DPY19L2: variants seen among roughly 807,000 people sequenced by gnomAD.
The protein encoded by DPY19L2 is dpy-19 like 2.
In DPY19L2, 34 loss-of-function variants were observed where a neutral mutation model predicts 97.9. That is an observed-to-expected ratio of 0.35 (90% CI 0.26 to 0.46). The LOEUF (loss-of-function observed/expected upper bound fraction) is 0.46. DPY19L2 is among the 20% of genes least tolerant of loss of function. DPY19L2 has a pLI of 1.00. For synonymous variants in DPY19L2, 230 were observed against 307.9 expected, an observed-to-expected ratio of 0.75 and a Z score of 2.65; for missense variants, 623 against 911.4, an observed-to-expected ratio of 0.68 and a Z score of 4.07.
intron 6 of DPY19L2, among the ~76,000 whole-genome samples, chr12:63,644,006 AAGT>A (rs1893054713): frequency 1.3e-5 from 2 of 152,196 alleles, no homozygotes; most frequent in African/African-American, 4.8e-5. Flanking sequence ...TAGCAGATGT[AAGT>A]GCCTGCCACA....
At chr12:63,576,471 G>A (rs1320054300) in intron 19 of DPY19L2, among the ~76,000 whole-genome samples, 1 of 151,672 alleles carries the variant, frequency 6.6e-6, no homozygotes, top group Non-Finnish European at 1.5e-5. Context: ...AAGAAAGAAA[G>A]GGCATCCAAA....
In DPY19L2 at chr12:63,609,387, A is replaced by T. The variant is rs533971917; in HGVS notation, c.1219-712T>A. Reference sequence around the variant, plus strand: ...CCTCAAATTCACAGACTGAATCTTTAATCCCCAGTGTGATAGTGTTTGGAG... The same window carrying T: ...CCTCAAATTCACAGACTGAATCTTTTATCCCCAGTGTGATAGTGTTTGGAG... On this transcript the variant is annotated intron_variant, in intron 11 of 21. Transcript: ENST00000324472. 2.6e-5 allele frequency among the ~76,000 whole-genome samples: 4 copies of T among 152,198 alleles called. No individual in the cohort carries two copies. In the South Asian group the frequency reaches 8.3e-4, roughly 32 times the overall value.
intron 12 of DPY19L2, among the ~76,000 whole-genome samples, chr12:63,603,371 T>G (rs1423407057): frequency 6.6e-6 from 1 of 152,216 alleles, no homozygotes; most frequent in Non-Finnish European, 1.5e-5. Context: ...TCCAGAACTT[T>G]TTAAATTTTA....
chr12:63,640,961 C>A (rs531577034), intron 6 of DPY19L2, among the ~76,000 whole-genome samples: 1 of 152,158 alleles, frequency 6.6e-6, no homozygotes, highest in East Asian at 1.9e-4. Flanking sequence ...GGCGCAATGT[C>A]GGCTCACTGC....
At chr12:63,616,057 G>C (rs1223890048) in intron 11 of DPY19L2, among the ~76,000 whole-genome samples, 2 of 152,118 alleles carry the variant, frequency 1.3e-5, no homozygotes, top group East Asian at 3.8e-4. Context: ...AAAGTATATA[G>C]GAAGATGTAC....
In DPY19L2 at chr12:63,570,962, A is replaced by G. The variant is rs1048123238; in HGVS notation, c.1901-105T>C. The stretch of plus-strand genomic sequence containing the variant: ...ACCCAAATTAAGAAGGATGATGCCT[A>G]TTTACATGACCATGGACCTCATTCT... On this transcript the variant is annotated intron_variant, in intron 19 of 21. Transcript: ENST00000324472. The G allele has an allele frequency of 4.4e-6, 5 of 1,132,142 alleles. No individual in the cohort carries two copies. The Admixed American group carries it at 8.0e-5, about 18-fold the overall frequency. 70.1% of individuals were successfully genotyped at this position (1,132,142 alleles called of 1,614,324 possible). A position where few individuals can be genotyped will look rare whatever the true frequency, so the allele number is the denominator to read the frequency against.
chr12:63,588,378 T>A (rs1460030437), intron 16 of DPY19L2, among the ~76,000 whole-genome samples: 1 of 152,194 alleles, frequency 6.6e-6, no homozygotes, highest in African/African-American at 2.4e-5. Flanking sequence ...TGACAGCACA[T>A]CTGTCACAGC....
At chr12:63,626,864 C>T (rs1270256014) in intron 6 of DPY19L2, among the ~76,000 whole-genome samples, 2 of 151,900 alleles carry the variant, frequency 1.3e-5, no homozygotes, top group African/African-American at 2.4e-5. Flanking sequence ...CAGCAACCTC[C>T]GCCTCCTGGG....
intron 16 of DPY19L2, among the ~76,000 whole-genome samples, chr12:63,588,217 A>T (rs1020258958): frequency 6.6e-6 from 1 of 152,186 alleles, no homozygotes. Context: ...AAAAATCCAA[A>T]AAAGAATGAC....
intron 11 of DPY19L2, among the ~76,000 whole-genome samples, chr12:63,612,164 GCAATTCTA>G (rs1887115810): frequency 6.6e-6 from 1 of 151,970 alleles, no homozygotes; most frequent in South Asian, 2.1e-4. Flanking sequence ...CTGTTAACCT[GCAATTCTA>G]CACCCAGGAA....
At chr12:63,615,695 A>G (rs1887711147) in intron 11 of DPY19L2, among the ~76,000 whole-genome samples, 1 of 152,176 alleles carries the variant, frequency 6.6e-6, no homozygotes, top group African/African-American at 2.4e-5. Flanking sequence ...GAAACTATAA[A>G]GGAATGCTGG....
chr12:63,607,719 C>A (rs1886293717), intron 12 of DPY19L2, among the ~76,000 whole-genome samples: 2 of 152,090 alleles, frequency 1.3e-5, no homozygotes, highest in Admixed American at 6.5e-5. Flanking sequence ...CTCACTGTAA[C>A]CTTCCAGGGC....
chr12:63,609,298 A>AGTGTCAATCCC (rs1886577645), intron 11 of DPY19L2, among the ~76,000 whole-genome samples: 1 of 152,034 alleles, frequency 6.6e-6, no homozygotes, highest in Non-Finnish European at 1.5e-5. Context: ...GATTGACACT[A>AGTGTCAATCCC]ATACATAAAG....
chr12:63,629,779 T>C (rs1351775229), intron 6 of DPY19L2, among the ~76,000 whole-genome samples: 2 of 151,930 alleles, frequency 1.3e-5, no homozygotes, highest in African/African-American at 4.8e-5. Context: ...TTCACCAAAA[T>C]GGAAATGCAG....
At chr12:63,622,827 G>A (rs1245567784) in intron 8 of DPY19L2, among the ~76,000 whole-genome samples, 1 of 148,080 alleles carries the variant, frequency 6.8e-6, no homozygotes, top group Non-Finnish European at 1.5e-5. Flanking sequence ...TTGGGAGGCT[G>A]AGGCAGGAGA....
At chr12:63,602,250 A>C (rs1241713605) in intron 12 of DPY19L2, among the ~76,000 whole-genome samples, 1 of 152,078 alleles carries the variant, frequency 6.6e-6, no homozygotes, top group African/African-American at 2.4e-5. Flanking sequence ...AGGGAATGGA[A>C]GAAAAGGAGA....
chr12:63,575,027 G>A (rs1388687993), intron 19 of DPY19L2, among the ~76,000 whole-genome samples: 1 of 151,920 alleles, frequency 6.6e-6, no homozygotes, highest in Non-Finnish European at 1.5e-5. Context: ...CTCAGCACAT[G>A]GATCATTCCT....
rs776482124 is a variant in DPY19L2 at position 63,582,539 on chromosome 12, A to G, written c.1606-14T>C. On this transcript the variant is annotated splice_polypyrimidine_tract_variant and intron_variant, in intron 17 of 21. Coordinates refer to ENST00000324472, the MANE Select transcript of DPY19L2 (RefSeq NM_173812.5). ...GTGAAAAGCCAGCTATAAAACACAAATAAGACAAAATCACATTTTTACTTT... is the reference window on the plus strand; with the variant it reads ...GTGAAAAGCCAGCTATAAAACACAAGTAAGACAAAATCACATTTTTACTTT... The G allele has an allele frequency of 1.2e-6, 2 of 1,601,804 alleles. No individual in the cohort carries two copies. Among genetic ancestry groups the G allele is most frequent in the South Asian group, 2.3e-5 (2 of 87,742 alleles).
At chr12:63,638,827 T>G (rs552132278) in intron 6 of DPY19L2, among the ~76,000 whole-genome samples, 14 of 152,260 alleles carry the variant, frequency 9.2e-5, no homozygotes, top group South Asian at 4.1e-4. Context: ...TACCAATGAC[T>G]TTCTTCACAG....
Sources: allele counts gnomAD v4.1 joint callset (sites outside exome capture counted in the v4.1 genomes callset), GRCh38; gene constraint gnomAD v4.1.1; transcripts MANE v1.5; gene names NCBI Gene and HGNC (gene_info 2026-07-23, HGNC 2026-07-21).